Variants in MYCBP2 observed in about 807,000 individuals in gnomAD.
MYCBP2 encodes the protein MYC binding protein 2, also known as E3 ubiquitin-protein ligase MYCBP2.
Under a neutral mutation model 525.3 loss-of-function variants are expected in MYCBP2, and 120 were observed. The ratio of observed to expected loss-of-function variants is 0.23; its 90% CI spans 0.20 to 0.27. MYCBP2 has a LOEUF of 0.27. Among genes scored for constraint, MYCBP2 ranks in the 10% least tolerant of loss-of-function variants. MYCBP2 has a pLI of 1.00. For synonymous variants in MYCBP2, 1,894 were observed against 1,955.8 expected, an observed-to-expected ratio of 0.97 and a Z score of 0.83; for missense variants, 4,149 against 5,657.1, an observed-to-expected ratio of 0.73 and a Z score of 8.55.
rs771290340 is a variant in MYCBP2, at chr13:77,261,230, G to C, written c.1793C>G (p.Ala598Gly). 2 of 1,613,336 alleles carry C rather than the reference G, an allele frequency of 1.2e-6. No individual in the cohort carries two copies. The highest frequency in any genetic ancestry group is 2.2e-5 in the East Asian group (1 of 44,848). The change falls in exon 12 of 83, where the codon GCA (alanine) becomes GGA (glycine). Residue 598 changes from alanine (A) to glycine (G), a missense_variant. Physicochemically the swap from Ala to Gly is moderately conservative, Grantham distance 60 (BLOSUM62 0). This residue lies in a region of MYCBP2 where 262 missense variants were observed against 419.3 expected (regional missense o/e 0.62). Coordinates refer to ENST00000544440, the MANE Select transcript of MYCBP2 (RefSeq NM_015057.5). ...TGTAAAGAATATGCTCCCATCTTCTGCAACTAAAAGGGCGTGAGAGCCATC... is the reference window on the plus strand; with the variant it reads ...TGTAAAGAATATGCTCCCATCTTCTCCAACTAAAAGGGCGTGAGAGCCATC... ...GHDGSHALLV[A>G]EDGSIFFTGS...
chr13:77,184,788 G>A (rs568678340), intron 32 of MYCBP2, among the ~76,000 whole-genome samples: 16 of 152,100 alleles, frequency 1.1e-4, no homozygotes, highest in Non-Finnish European at 1.9e-4. Context: ...TGAGGGTGGC[G>A]GGGGCCTCCT....
At position 77,057,026 on chromosome 13, in the gene MYCBP2, G is replaced by A. The variant is rs773950984; in HGVS notation, c.13397C>T (p.Pro4466Leu). The change falls in exon 79 of 83, where the codon CCA becomes CTA. Residue 4466 changes from proline to leucine, a missense_variant. Pro to Leu is a moderately conservative substitution (Grantham distance 98, BLOSUM62 -3). This residue lies in a region of MYCBP2 where 220 missense variants were observed against 396.0 expected (regional missense o/e 0.56). Coordinates refer to ENST00000544440, the MANE Select transcript of MYCBP2 (RefSeq NM_015057.5). The stretch of plus-strand genomic sequence containing the variant: ...AGATATAAATCCAAATGTTATCCTT[G>A]GGCCAAGCCATCGATTTTCTAATAC... ...RRVLENRWLG[P>L]RITFGFISCP... The A allele has an allele frequency of 1.2e-6, 2 of 1,613,724 alleles. No individual in the cohort carries two copies. Among genetic ancestry groups the A allele is most frequent in the Non-Finnish European group, 1.7e-6 (2 of 1,179,768 alleles).
At chr13:77,056,589 C>T (rs1484070043) in intron 79 of MYCBP2, among the ~76,000 whole-genome samples, 1 of 152,166 alleles carries the variant, frequency 6.6e-6, no homozygotes, top group Non-Finnish European at 1.5e-5. Context: ...TCTAGTGGTA[C>T]TGAGGGTTCC....
Position 77,140,030 on chromosome 13 carries a change from G to A in MYCBP2, c.7518+17C>T, listed in dbSNP as rs763743448. ...TTCTGTCCAAAATTTACTACCAAAA[G>A]CTCCTTTATCAATTACCTCATCAAT... On this transcript the variant is annotated intron_variant, in intron 51 of 82. Coordinates refer to ENST00000544440, the MANE Select transcript of MYCBP2 (RefSeq NM_015057.5). The A allele has an allele frequency of 6.5e-7, 1 of 1,536,796 alleles. No homozygotes were observed. Among genetic ancestry groups the A allele is most frequent in the South Asian group, 1.2e-5 (1 of 84,716 alleles).
At chr13:77,267,475 G>T (rs1378290762) in intron 8 of MYCBP2, among the ~76,000 whole-genome samples, 8 of 151,764 alleles carry the variant, frequency 5.3e-5, no homozygotes, top group African/African-American at 1.7e-4. Context: ...CTGCACTGTT[G>T]TTAAAGTAAA....
intron 26 of MYCBP2, among the ~76,000 whole-genome samples, 189 bp downstream of exon 26, chr13:77,205,067 T>A (rs1001858441): frequency 6.6e-6 from 1 of 151,608 alleles, no homozygotes; most frequent in Non-Finnish European, 1.5e-5. Context: ...ATAAATAAAT[T>A]TAAAAAATTT....
chr13:77,282,387 G>A (rs1293988644), intron 3 of MYCBP2, among the ~76,000 whole-genome samples: 6 of 151,082 alleles, frequency 4.0e-5, no homozygotes, highest in Admixed American at 4.0e-4. Flanking sequence ...TTCAGCCTGG[G>A]CAAGCAGAGT....
intron 55 of MYCBP2, among the ~76,000 whole-genome samples, chr13:77,108,636 C>T (rs142664502): frequency 1.0e-3 from 158 of 152,170 alleles, no homozygotes; most frequent in Admixed American, 2.5e-3. Context: ...AAAGAGACAA[C>T]GCTTACGCAG....
rs149551259 is a variant in MYCBP2, at chr13:77,318,983, G to A, written c.302+7491C>T. On this transcript the variant is annotated intron_variant, in intron 1 of 82. Coordinates refer to ENST00000544440, the MANE Select transcript of MYCBP2 (RefSeq NM_015057.5). ...TGTGGCATGAGCTAATGTCAAAACCGTGAACTACCTCAAGCTAGTAATTTG... is the reference window on the plus strand; with the variant it reads ...TGTGGCATGAGCTAATGTCAAAACCATGAACTACCTCAAGCTAGTAATTTG... Among the ~76,000 whole-genome samples the A allele has an allele frequency of 6.4e-3, 978 of 152,256 alleles. 8 individuals carry two copies. The highest frequency in any genetic ancestry group is 0.022 in the African/African-American group (915 of 41,532).
intron 1 of MYCBP2, among the ~76,000 whole-genome samples, chr13:77,325,332 T>TC (rs2154385230): frequency 6.6e-6 from 1 of 152,248 alleles, no homozygotes; most frequent in East Asian, 1.9e-4. Flanking sequence ...TACTATGTTT[T>TC]CCCCATGTAC....
At chr13:77,133,377 T>C (rs1269596899) in intron 52 of MYCBP2, among the ~76,000 whole-genome samples, 1 of 152,156 alleles carries the variant, frequency 6.6e-6, no homozygotes, top group African/African-American at 2.4e-5. Flanking sequence ...TGCAAAGAAC[T>C]AAAATTAAGC....
intron 23 of MYCBP2, among the ~76,000 whole-genome samples, chr13:77,207,273 A>T (rs2063458533): frequency 1.3e-5 from 2 of 152,244 alleles, no homozygotes; most frequent in Non-Finnish European, 2.9e-5. Flanking sequence ...AATGCTATCC[A>T]TAGAAAGGAA....
chr13:77,110,139 C>T (rs2048553549), intron 55 of MYCBP2: 1 of 152,232 alleles, frequency 6.6e-6, no homozygotes, highest in South Asian at 2.1e-4. Flanking sequence ...AATAGAGCCA[C>T]ATTTTTCTTC....
At chr13:77,288,493 A>T in intron 2 of MYCBP2, 117 bp from the exon 3 acceptor site, 1 of 851,818 alleles carries the variant, frequency 1.2e-6, no homozygotes, top group East Asian at 2.7e-5. Context: ...ATTATGTGAC[A>T]CAGCAGAGAC....
In MYCBP2 at chr13:77,058,324, G is replaced by A. The variant is rs747987190; in HGVS notation, c.13223C>T (p.Pro4408Leu). The A allele has an allele frequency of 1.9e-6, 3 of 1,614,084 alleles. 1 individual carries two copies. In the South Asian group the frequency reaches 3.3e-5, roughly 18 times the overall value. ...GGVKNEEHCLPCLHGCDKSAT... is the reference protein window; with the variant it reads ...GGVKNEEHCLLCLHGCDKSAT... ...ACTTTTGTCACAGCCGTGTAGACAG[G>A]GCAGACAGTGCTCTTCGTTTTTAAC... The change falls in exon 78 of 83, where the codon CCC (proline) becomes CTC (leucine). Residue 4408 changes from proline to leucine, a missense_variant. Around this residue, in one of 21 missense-constraint regions of MYCBP2, gnomAD observed 220 missense variants for 396.0 expected, o/e 0.56. Transcript: ENST00000544440. This position sits in a 1 kb window ranked among gnomAD's most constrained non-coding sequence, Gnocchi z 4.1.
intron 2 of MYCBP2, among the ~76,000 whole-genome samples, chr13:77,294,025 T>C (rs1370307305): frequency 2.1e-5 from 3 of 146,062 alleles, no homozygotes; most frequent in African/African-American, 7.6e-5. Context: ...CTGGGTAAGA[T>C]GGAAATTAAA....
chr13:77,160,326 T>C (rs565847278), intron 44 of MYCBP2, among the ~76,000 whole-genome samples: 47 of 152,370 alleles, frequency 3.1e-4, no homozygotes, highest in African/African-American at 1.1e-3. Context: ...ACTGCCTAAA[T>C]GCTCTATGCC....
chr13:77,079,117 C>T (rs1245346195), intron 65 of MYCBP2, among the ~76,000 whole-genome samples: 3 of 152,146 alleles, frequency 2.0e-5, no homozygotes, highest in Non-Finnish European at 4.4e-5. Flanking sequence ...CAGGTGCTCT[C>T]TCACAGCTTG....
At chr13:77,287,300 C>T (rs2076973211) in intron 3 of MYCBP2, among the ~76,000 whole-genome samples, 1 of 151,976 alleles carries the variant, frequency 6.6e-6, no homozygotes, top group Non-Finnish European at 1.5e-5. Flanking sequence ...ATTTTCCTGC[C>T]TCAGCCTCTG....
Sources: gnomAD v4.1 joint callset for allele counts (sites outside exome capture counted in the v4.1 genomes callset) on GRCh38, gnomAD v4.1.1 for gene constraint, gnomAD v4.1.1 regional missense constraint, Gnocchi (gnomAD v3.1) non-coding constraint, MANE v1.5 for transcripts, NCBI Gene and HGNC (gene_info 2026-07-23, HGNC 2026-07-21) for gene names.